EPHA5: variants seen among roughly 807,000 people sequenced by gnomAD.
EPHA5 encodes EPH receptor A5.
In EPHA5, 60 loss-of-function variants were observed where a neutral mutation model predicts 105.0. The ratio of observed to expected loss-of-function variants is 0.57; its 90% confidence interval spans 0.46 to 0.71. The LOEUF (loss-of-function observed/expected upper bound fraction) is 0.71. Among genes scored for constraint, EPHA5 ranks in the 30% least tolerant of loss-of-function variants. EPHA5 has a pLI of 0.00. For missense variants in EPHA5, 1,218 were observed against 1,274.7 expected (o/e 0.96, Z 0.68); for synonymous variants, 513 against 449.1 (o/e 1.14, Z -1.80).
In EPHA5 at chr4:65,372,300, A is replaced by G. The variant is rs1718554607; in HGVS notation, c.1794-4876T>C. On this transcript the variant is annotated intron_variant, in intron 8 of 16. Coordinates refer to ENST00000613740, the MANE Select transcript of EPHA5 (RefSeq NM_001281766.3). ...AAAAGCTCAGCTAACTTATCCTCAT[A>G]AAATAAATAAGCATATGAACATTAA... is the stretch of plus-strand genomic sequence containing the variant. Among the ~76,000 whole-genome samples, 2 of 151,996 alleles carry G rather than the reference A, an allele frequency of 1.3e-5. 1 individual carries two copies. The highest frequency in any genetic ancestry group is 4.1e-4 in the South Asian group (2 of 4,832).
chr4:65,643,933 T>C (rs1363416719), intron 1 of EPHA5, among the ~76,000 whole-genome samples: 1 of 152,028 alleles, frequency 6.6e-6, no homozygotes, highest in African/African-American at 2.4e-5. Flanking sequence ...TTAACAGAAA[T>C]CTGTAATCCA....
chr4:65,424,489 T>C (rs1186122733), intron 5 of EPHA5, among the ~76,000 whole-genome samples: 1 of 152,112 alleles, frequency 6.6e-6, no homozygotes, highest in Admixed American at 6.6e-5. Context: ...TTTTTGAAGG[T>C]TGACATCTTA....
In EPHA5 at chr4:65,670,355, C is replaced by A. The variant is rs1364555751; in HGVS notation, c.-613G>T. The A allele has an allele frequency of 8.6e-6, 2 of 233,584 alleles. No homozygotes were observed. The highest frequency in any genetic ancestry group is 5.6e-5 in the Admixed American group (1 of 17,776). 14.5% of individuals were successfully genotyped at this position (233,584 alleles called of 1,614,324 possible). On this transcript the variant is annotated 5_prime_UTR_variant, in exon 1 of 17. Transcript: ENST00000613740. ...GAAGAGGGGAGGGACTGACGGCTGC[C>A]GGCCGGTAGGAGCGCGGAGCTGCGC...
intron 6 of EPHA5, 150 bp from the exon 7 acceptor site, chr4:65,414,593 CT>C: frequency 1.2e-6 from 1 of 822,038 alleles, no homozygotes; most frequent in East Asian, 2.7e-5. Flanking sequence ...CCTACACATC[CT>C]AGGTGTGCTA....
chr4:65,469,549 T>C (rs1387427940), intron 5 of EPHA5, among the ~76,000 whole-genome samples: 2 of 152,042 alleles, frequency 1.3e-5, no homozygotes, highest in African/African-American at 4.8e-5. Context: ...GAGACACCTT[T>C]AGCATCTCAG....
chr4:65,470,746 C>T (rs1249786579), intron 5 of EPHA5, among the ~76,000 whole-genome samples: 1 of 152,198 alleles, frequency 6.6e-6, no homozygotes, highest in African/African-American at 2.4e-5. Context: ...AATTATGTTA[C>T]ATATGCGACT....
At chr4:65,571,578 A>C (rs892550373) in intron 3 of EPHA5, among the ~76,000 whole-genome samples, 1 of 152,064 alleles carries the variant, frequency 6.6e-6, no homozygotes, top group African/African-American at 2.4e-5. Flanking sequence ...TTGCTTCCTA[A>C]ACAGTATTAT....
At chr4:65,521,202 A>C (rs1734676558) in intron 3 of EPHA5, among the ~76,000 whole-genome samples, 1 of 152,200 alleles carries the variant, frequency 6.6e-6, no homozygotes, top group Admixed American at 6.5e-5. Context: ...GCCATAAAAA[A>C]TGATGAGTTC....
Position 65,585,772 on chromosome 4 carries a change from G to T in EPHA5, c.910+15869C>A, listed in dbSNP as rs564289622. On this transcript the variant is annotated intron_variant, in intron 3 of 16. Transcript: ENST00000613740. Reference sequence around the variant, plus strand: ...CTTATAAGTCTATGAGCTCTAAGAAGCATTTAAAATTATGAATTAGGAACA... The same window carrying T: ...CTTATAAGTCTATGAGCTCTAAGAATCATTTAAAATTATGAATTAGGAACA... Among the ~76,000 whole-genome samples the T allele has an allele frequency of 3.3e-5, 5 of 151,792 alleles. No individual in the cohort carries two copies. In the East Asian group the frequency reaches 5.8e-4, roughly 18 times the overall value.
chr4:65,486,484 A>G (rs182800923), intron 5 of EPHA5, among the ~76,000 whole-genome samples: 4 of 152,326 alleles, frequency 2.6e-5, no homozygotes, highest in African/African-American at 9.6e-5. Context: ...TACAAAATCA[A>G]TCAGAAAATA....
rs1185347350 is a variant in EPHA5 at position 65,412,942 on chromosome 4, A to G, written c.1687+1342T>C. Among the ~76,000 whole-genome samples the G allele has an allele frequency of 2.0e-5, 3 of 152,148 alleles. No individual in the cohort carries two copies. The East Asian group carries it at 5.8e-4, about 29-fold the overall frequency. ...GGTATAGTTATCAAAGCACTCAAGC[A>G]TAGTTTGAGATTTCATTTACGGCTT... On this transcript the variant is annotated intron_variant, in intron 7 of 16. Coordinates refer to ENST00000613740, the MANE Select transcript of EPHA5 (RefSeq NM_001281766.3).
At chr4:65,453,801 C>G (rs1727296003) in intron 5 of EPHA5, among the ~76,000 whole-genome samples, 1 of 152,260 alleles carries the variant, frequency 6.6e-6, no homozygotes, top group South Asian at 2.1e-4. Flanking sequence ...AATGTCAAAC[C>G]AGGCAGTTGA....
In EPHA5 at chr4:65,404,484, T is replaced by C; in HGVS notation, c.1688-5A>G. On this transcript the variant is annotated splice_polypyrimidine_tract_variant and splice_region_variant and intron_variant, in intron 7 of 16. Transcript: ENST00000613740. ...GATCGCTGGATGCTGCAACTGCTGA[T>C]AGGAGATACAGAAAATGGAGCTTGT... 1.9e-6 allele frequency: 3 copies of C among 1,612,904 alleles called. No homozygotes were observed. The highest frequency in any genetic ancestry group is 2.5e-6 in the Non-Finnish European group (3 of 1,179,138).
At chr4:65,495,592 G>A (rs1731851133) in intron 3 of EPHA5, 49 bp from the exon 4 acceptor site, 1 of 1,486,868 alleles carries the variant, frequency 6.7e-7, no homozygotes, top group Non-Finnish European at 9.1e-7. Flanking sequence ...CAGATGCAGT[G>A]TTTGTTTTGT....
chr4:65,544,299 A>G (rs961121959), intron 3 of EPHA5, among the ~76,000 whole-genome samples: 1 of 152,112 alleles, frequency 6.6e-6, no homozygotes, highest in Non-Finnish European at 1.5e-5. Flanking sequence ...AACCTACAGA[A>G]TGGGAGAAAA....
intron 1 of EPHA5, 55 bp downstream of exon 1, chr4:65,669,507 C>T (rs1750264284): frequency 7.6e-7 from 1 of 1,307,690 alleles, no homozygotes; most frequent in Non-Finnish European, 9.8e-7. Context: ...AACTCCCAGG[C>T]CCCGCCTAGC....
intron 5 of EPHA5, among the ~76,000 whole-genome samples, chr4:65,463,049 A>G (rs928293559): frequency 5.9e-5 from 9 of 152,186 alleles, no homozygotes; most frequent in African/African-American, 1.9e-4. Flanking sequence ...TGTTTAAAGT[A>G]TTTTTCAAAA....
At chr4:65,504,318 T>C (rs1211697054) in intron 3 of EPHA5, among the ~76,000 whole-genome samples, 4 of 150,786 alleles carry the variant, frequency 2.7e-5, no homozygotes, top group Non-Finnish European at 1.5e-5. Context: ...TAACAACTTC[T>C]ATACTCCATT....
At chr4:65,495,629 T>C (rs2149227349) in intron 3 of EPHA5, 86 bp from the exon 4 acceptor site, 2 of 1,134,534 alleles carry the variant, frequency 1.8e-6, no homozygotes, top group Non-Finnish European at 2.5e-6. Context: ...TTGACTTGTA[T>C]ATGCAGATTA....
Sources: allele counts gnomAD v4.1 joint callset (sites outside exome capture counted in the v4.1 genomes callset), GRCh38; gene constraint gnomAD v4.1.1; transcripts MANE v1.5; gene names NCBI Gene and HGNC (gene_info 2026-07-23, HGNC 2026-07-21).